MYO18A: variants seen among roughly 807,000 people sequenced by gnomAD.
MYO18A encodes the protein myosin XVIIIA.
MYO18A carries 78 observed loss-of-function variants against 235.8 expected under a neutral mutation model. The ratio of observed to expected loss-of-function variants is 0.33; its 90% CI spans 0.28 to 0.40. MYO18A has a LOEUF of 0.40. Among genes scored for constraint, MYO18A ranks in the 10% least tolerant of loss-of-function variants. MYO18A has a pLI of 1.00. For synonymous variants in MYO18A, 977 were observed against 1,077.8 expected, an observed-to-expected ratio of 0.91 and a Z score of 1.83; for missense variants, 2,215 against 2,699.3, an observed-to-expected ratio of 0.82 and a Z score of 3.98.
intron 28 of MYO18A, among the ~76,000 whole-genome samples, chr17:29,095,550 C>T (rs1018591313): frequency 2.6e-5 from 4 of 152,194 alleles, no homozygotes; most frequent in East Asian, 1.9e-4. Context: ...CCAGCAGTGC[C>T]GGCAGGACAC....
Position 29,166,878 on chromosome 17 carries a change from T to TTTCTCCTTC in MYO18A, c.54_62dup (p.Lys24_Glu26dup), listed in dbSNP as rs1262165958. On this transcript the variant is annotated inframe_insertion, in exon 2 of 42. Coordinates refer to ENST00000527372, the MANE Select transcript of MYO18A (RefSeq NM_078471.4). ...CTGACATCCGCTCCTTTTTCTCCTT[T>TTTCTCCTTC]TTCTCCTTCTTCTCCTTCCGCCCGC... The TTTCTCCTTC allele has an allele frequency of 3.2e-6, 5 of 1,552,568 alleles. No individual in the cohort carries two copies. Among genetic ancestry groups the TTTCTCCTTC allele is most frequent in the Non-Finnish European group, 4.4e-6 (5 of 1,147,582 alleles).
At position 29,074,050 on chromosome 17, in the gene MYO18A, G is replaced by A. The variant is rs575839250; in HGVS notation, c.*720C>T. The stretch of plus-strand genomic sequence containing the variant: ...GTGCGGATGGTCCACACACACACTT[G>A]TCTGCGTAGGCTTGCTCAACCCAGC... On this transcript the variant is annotated 3_prime_UTR_variant, in exon 42 of 42. Transcript: ENST00000527372. The surrounding 1 kb of genome is among the most constrained non-coding windows in gnomAD (Gnocchi z 4.4). 4 of 1,614,048 alleles carry A rather than the reference G, an allele frequency of 2.5e-6. No individual in the cohort carries two copies. Among genetic ancestry groups the A allele is most frequent in the East Asian group, 4.5e-5 (2 of 44,858 alleles).
chr17:29,115,689 C>T lies in MYO18A; in HGVS notation c.2202G>A (p.Glu734=), dbSNP rs752509448. The stretch of plus-strand genomic sequence containing the variant: ...CTGTCCCATCTCCCAGGCCACTCTC[C>T]TCGGGGCCCTGGCGGAAGGAGGTGG... ...QRSTSFRQGP[E]ESGLGDGTGP... Residue 734 remains glutamate, a synonymous_variant, in exon 12 of 42, where the codon GAG becomes GAA. Coordinates refer to ENST00000527372, the MANE Select transcript of MYO18A (RefSeq NM_078471.4). The T allele has an allele frequency of 7.5e-6, 12 of 1,605,994 alleles. No individual in the cohort carries two copies. The highest frequency in any genetic ancestry group is 1.3e-5 in the African/African-American group (1 of 74,786).
intron 41 of MYO18A, among the ~76,000 whole-genome samples, chr17:29,081,359 G>A (rs2152720602): frequency 6.6e-6 from 1 of 152,338 alleles, no homozygotes; most frequent in Admixed American, 6.5e-5. Context: ...CGGCAGTGGG[G>A]CGGGGAAGCC....
At chr17:29,149,735 C>T (rs1009807065) in intron 2 of MYO18A, among the ~76,000 whole-genome samples, 3 of 152,202 alleles carry the variant, frequency 2.0e-5, no homozygotes, top group Admixed American at 6.5e-5. Flanking sequence ...TCATGGCCCC[C>T]GGGGACTTCC....
intron 41 of MYO18A, chr17:29,081,116 A>C: frequency 3.4e-6 from 2 of 581,900 alleles, no homozygotes; most frequent in Non-Finnish European, 4.3e-6. Flanking sequence ...GAATAAAGAC[A>C]CAGGGGGAGG....
In MYO18A at chr17:29,118,354, C is replaced by T. The variant is rs759529216; in HGVS notation, c.1893+23G>A. 6.3e-7 allele frequency: 1 copy of T among 1,597,594 alleles called. No individual in the cohort carries two copies. The highest frequency in any genetic ancestry group is 8.6e-7 in the Non-Finnish European group (1 of 1,167,636). On this transcript the variant is annotated intron_variant, in intron 9 of 41. Coordinates refer to ENST00000527372, the MANE Select transcript of MYO18A (RefSeq NM_078471.4). This position sits in a 1 kb window ranked among gnomAD's most constrained non-coding sequence, Gnocchi z 4.2. ...TACCCCCAAGGCCCAGGGCTGGCAA[C>T]CCAGACCCCACAGACCCCTCACCTT...
At position 29,121,722 on chromosome 17, in the gene MYO18A, G is replaced by C. The variant is rs1263132418; in HGVS notation, c.1196C>G (p.Ala399Gly). The change falls in exon 5 of 42, where the codon GCT becomes GGT. Residue 399 changes from alanine to glycine, a missense_variant and splice_region_variant. Transcript: ENST00000527372. The surrounding 1 kb of genome is among the most constrained non-coding windows in gnomAD (Gnocchi z 4.2). ...CAGACGGTCGCAGGAGGGAGCATTA[G>C]CCTGTGTGGGAGGACAGGCGGGTGG... ...LDVDEDDVEK[A>G]NAPSCDRLED... 11 of 1,575,674 alleles carry C rather than the reference G, an allele frequency of 7.0e-6. No homozygotes were observed. Among genetic ancestry groups the C allele is most frequent in the Non-Finnish European group, 7.8e-6 (9 of 1,160,334 alleles).
Position 29,158,326 on chromosome 17 carries a change from G to A in MYO18A, c.999+7616C>T, listed in dbSNP as rs946640595. ...TTAAGGGAGCCCGAGGGGTGACCCAGGTCTAAGGAAATAGTTTCCCAACCA... is the reference window on the plus strand; with the variant it reads ...TTAAGGGAGCCCGAGGGGTGACCCAAGTCTAAGGAAATAGTTTCCCAACCA... On this transcript the variant is annotated intron_variant, in intron 2 of 41. Coordinates refer to ENST00000527372, the MANE Select transcript of MYO18A (RefSeq NM_078471.4). The surrounding 1 kb of genome is among the most constrained non-coding windows in gnomAD (Gnocchi z 4.3). 1.3e-5 allele frequency among the ~76,000 whole-genome samples: 2 copies of A among 152,176 alleles called. No individual in the cohort carries two copies. The highest frequency in any genetic ancestry group is 2.9e-5 in the Non-Finnish European group (2 of 68,022).
chr17:29,103,872 A>G (rs1243304297), intron 20 of MYO18A, among the ~76,000 whole-genome samples: 1 of 152,264 alleles, frequency 6.6e-6, no homozygotes, highest in East Asian at 1.9e-4. Context: ...GCTGGGGAGC[A>G]AGACAAGTGA....
In MYO18A at chr17:29,140,866, C is replaced by G. The variant is rs2067724227; in HGVS notation, c.1000-18613G>C. Among the ~76,000 whole-genome samples, 1 of 152,094 alleles carries G rather than the reference C, an allele frequency of 6.6e-6. No homozygotes were observed. The highest frequency in any genetic ancestry group is 1.5e-5 in the Non-Finnish European group (1 of 68,018). ...ATCAACACAGTGTTCTTGAGAACAC[C>G]CAAATCATAGGCCTACCCTAGCCAT... On this transcript the variant is annotated intron_variant, in intron 2 of 41. Coordinates refer to ENST00000527372, the MANE Select transcript of MYO18A (RefSeq NM_078471.4). The surrounding 1 kb of genome is among the most constrained non-coding windows in gnomAD (Gnocchi z 4.2).
At chr17:29,091,786 C>G (rs1300067318) in intron 34 of MYO18A, 5 of 413,580 alleles carry the variant, frequency 1.2e-5, no homozygotes, top group Non-Finnish European at 2.4e-5. Context: ...GGCCTGCCCA[C>G]TGGGGTGGGT....
At chr17:29,131,350 C>CGCCCGCACACACACAT (rs1184738302) in intron 2 of MYO18A, 2 of 978,386 alleles carry the variant, frequency 2.0e-6, no homozygotes, top group African/African-American at 3.5e-5. Flanking sequence ...CACACACACA[C>CGCCCGCACACACACAT]GCATGCCTCG....
Position 29,140,437 on chromosome 17 carries a change from C to T in MYO18A, c.1000-18184G>A, listed in dbSNP as rs2067710739. 7.2e-6 allele frequency: 9 copies of T among 1,253,450 alleles called. No homozygotes were observed. Among genetic ancestry groups the T allele is most frequent in the African/African-American group, 1.6e-5 (1 of 63,920 alleles). 77.6% of individuals were successfully genotyped at this position (1,253,450 alleles called of 1,614,324 possible). A position where few individuals can be genotyped will look rare whatever the true frequency, so the allele number is the denominator to read the frequency against. On this transcript the variant is annotated intron_variant, in intron 2 of 41. Coordinates refer to ENST00000527372, the MANE Select transcript of MYO18A (RefSeq NM_078471.4). This position sits in a 1 kb window ranked among gnomAD's most constrained non-coding sequence, Gnocchi z 4.2. Reference sequence around the variant, plus strand: ...CTCAAAATAGCACAGGCTGTGGCCCCGCCCAGTTCCCGCCCTCTCCCCGGC... The same window carrying T: ...CTCAAAATAGCACAGGCTGTGGCCCTGCCCAGTTCCCGCCCTCTCCCCGGC...
intron 2 of MYO18A, among the ~76,000 whole-genome samples, chr17:29,152,101 G>A (rs995244541): frequency 6.6e-6 from 1 of 152,162 alleles, no homozygotes; most frequent in Non-Finnish European, 1.5e-5. Context: ...CACTGGAGAG[G>A]TTTTGCTGCA....
At position 29,117,123 on chromosome 17, in the gene MYO18A, A is replaced by C. The variant is rs966421456; in HGVS notation, c.2039-668T>G. Among the ~76,000 whole-genome samples the C allele has an allele frequency of 1.5e-4, 23 of 152,114 alleles. 1 individual carries two copies. The highest frequency in any genetic ancestry group is 3.1e-4 in the Non-Finnish European group (21 of 68,016). On this transcript the variant is annotated intron_variant, in intron 10 of 41. Transcript: ENST00000527372. The surrounding 1 kb of genome is among the most constrained non-coding windows in gnomAD (Gnocchi z 4.6). Reference sequence around the variant, plus strand: ...TCACATCCCAGAAGGGGCCAAAGCCAAAGCCCAAGGTGCTGTTCAGCGCCA... The same window carrying C: ...TCACATCCCAGAAGGGGCCAAAGCCCAAGCCCAAGGTGCTGTTCAGCGCCA...
At position 29,094,702 on chromosome 17, in the gene MYO18A, T is replaced by A. The variant is rs760567174; in HGVS notation, c.4658A>T (p.Asp1553Val). The A allele has an allele frequency of 1.2e-6, 2 of 1,614,048 alleles. No homozygotes were observed. The highest frequency in any genetic ancestry group is 2.2e-5 in the South Asian group (2 of 91,088). The change falls in exon 30 of 42, where the codon GAT (aspartate) becomes GTT (valine). Residue 1553 changes from aspartate (D) to valine (V), a missense_variant. Asp to Val is a radical substitution (Grantham distance 152). Coordinates refer to ENST00000527372, the MANE Select transcript of MYO18A (RefSeq NM_078471.4). ...QLRDLEAKVK[D>V]QEEELDEQAG... ...CTGCTCATCCAGCTCTTCTTCCTGATCCTTGACTTTGGCCTCCAGGTCCCG... is the reference window on the plus strand; with the variant it reads ...CTGCTCATCCAGCTCTTCTTCCTGAACCTTGACTTTGGCCTCCAGGTCCCG...
In MYO18A at chr17:29,110,512, C is replaced by T. The variant is rs866989563; in HGVS notation, c.3011G>A (p.Ser1004Asn). 1 of 1,606,036 alleles carries T rather than the reference C, an allele frequency of 6.2e-7. No homozygotes were observed. Among genetic ancestry groups the T allele is most frequent in the African/African-American group, 1.3e-5 (1 of 74,972 alleles). ...GCCTGTGGTAAAGGTTTTCCGCATG[C>T]TGGTGGCCCGGCGCAGTGCCAGCTG... is the stretch of plus-strand genomic sequence containing the variant. ...GSQLALRRAT[S>N]MRKTFTTGMA... The change falls in exon 18 of 42, where the codon AGC (serine) becomes AAC (asparagine). Residue 1004 changes from serine to asparagine, a missense_variant. Transcript: ENST00000527372.
At chr17:29,128,301 C>T (rs963218498) in intron 2 of MYO18A, 9 of 1,209,066 alleles carry the variant, frequency 7.4e-6, no homozygotes, top group Admixed American at 3.0e-5. Context: ...GTCTCCTTGG[C>T]ATTCCCAAGC....
Sources: allele counts gnomAD v4.1 joint callset (sites outside exome capture counted in the v4.1 genomes callset), GRCh38; gene constraint gnomAD v4.1.1; non-coding constraint Gnocchi (gnomAD v3.1); transcripts MANE v1.5; gene names NCBI Gene and HGNC (gene_info 2026-07-23, HGNC 2026-07-21).